AKAIN1: variants seen among roughly 807,000 people sequenced by gnomAD.
AKAIN1 encodes the protein A-kinase anchor inhibitor 1.
A neutral mutation model predicts 3.7 loss-of-function variants in AKAIN1; 3 were observed. The observed-to-expected ratio is 0.82, with a 90% CI of 0.37 to 2.12. AKAIN1 has a LOEUF of 2.12. AKAIN1 is among the 30% of genes most tolerant of loss of function. AKAIN1 has a pLI of 0.06. For missense variants in AKAIN1, 82 were observed against 82.7 expected (o/e 0.99, Z 0.03); for synonymous variants, 31 against 30.8 (o/e 1.01, Z -0.02).
chr18:5,182,843 A>T (rs2143023589), intron 1 of AKAIN1, among the ~76,000 whole-genome samples: 1 of 152,204 alleles, frequency 6.6e-6, no homozygotes, highest in Non-Finnish European at 1.5e-5. Context: ...GGAGTACATG[A>T]AGAATCTAGG....
intron 1 of AKAIN1, among the ~76,000 whole-genome samples, chr18:5,154,346 T>C (rs2071095049): frequency 6.6e-6 from 1 of 152,168 alleles, no homozygotes; most frequent in South Asian, 2.1e-4. Context: ...TCTGAGCACG[T>C]AGATAACAAC....
intron 1 of AKAIN1, among the ~76,000 whole-genome samples, chr18:5,162,411 A>G (rs1598308063): frequency 6.6e-6 from 1 of 152,062 alleles, no homozygotes; most frequent in Non-Finnish European, 1.5e-5. Context: ...ACCAGGCAAC[A>G]TGTCAGGCAT....
chr18:5,190,303 A>G (rs915353082), intron 1 of AKAIN1, among the ~76,000 whole-genome samples: 4 of 152,242 alleles, frequency 2.6e-5, no homozygotes, highest in African/African-American at 9.6e-5. Context: ...AGGGGCTATT[A>G]CTATAGAACC....
In AKAIN1 at chr18:5,143,297, A is replaced by G. The variant is rs1458767185; in HGVS notation, c.*2265T>C. ...ACTGAGCTTTCTTAGAATTTTGCCA[A>G]TATGGCACCTACCTATTGAGGACAG... On this transcript the variant is annotated 3_prime_UTR_variant, in exon 2 of 2. Coordinates refer to ENST00000434239, the MANE Select transcript of AKAIN1 (RefSeq NM_001145194.2). Among the ~76,000 whole-genome samples, 1 of 152,222 alleles carries G rather than the reference A, an allele frequency of 6.6e-6. No homozygotes were observed. The highest frequency in any genetic ancestry group is 1.5e-5 in the Non-Finnish European group (1 of 68,038).
rs1269669169 is a variant in AKAIN1, at chr18:5,187,025, A to T, written c.16+10013T>A. On this transcript the variant is annotated intron_variant, in intron 1 of 1. Transcript: ENST00000434239. ...GAAAATACAACATCAAAATTTTTAG[A>T]ATACTCTAAAGCAATGCTTAGCTGG... Among the ~76,000 whole-genome samples, 4 of 152,312 alleles carry T rather than the reference A, an allele frequency of 2.6e-5. No individual in the cohort carries two copies. In the East Asian group the frequency reaches 7.7e-4, roughly 29 times the overall value.
chr18:5,149,890 G>A (rs750169831), intron 1 of AKAIN1, among the ~76,000 whole-genome samples: 4 of 152,088 alleles, frequency 2.6e-5, no homozygotes, highest in African/African-American at 4.8e-5. Flanking sequence ...ATGTTGACCA[G>A]CTTGGTCTCA....
At chr18:5,165,267 A>G (rs890896462) in intron 1 of AKAIN1, among the ~76,000 whole-genome samples, 24 of 151,974 alleles carry the variant, frequency 1.6e-4, no homozygotes, top group South Asian at 8.3e-4. Context: ...AGCTAATAAA[A>G]GCAGATAAAA....
At chr18:5,169,854 T>C (rs1305732489) in intron 1 of AKAIN1, among the ~76,000 whole-genome samples, 1 of 152,164 alleles carries the variant, frequency 6.6e-6, no homozygotes, top group Non-Finnish European at 1.5e-5. Flanking sequence ...TTTATCTCAT[T>C]AAAACCTGCT....
At position 5,143,746 on chromosome 18, in the gene AKAIN1, C is replaced by A. The variant is rs1289914459; in HGVS notation, c.*1816G>T. 2.6e-5 allele frequency among the ~76,000 whole-genome samples: 4 copies of A among 152,074 alleles called. No individual in the cohort carries two copies. The highest frequency in any genetic ancestry group is 5.9e-5 in the Non-Finnish European group (4 of 68,004). On this transcript the variant is annotated 3_prime_UTR_variant, in exon 2 of 2. Coordinates refer to ENST00000434239, the MANE Select transcript of AKAIN1 (RefSeq NM_001145194.2). ...AGACACAGAGGTCAATAAGATGTTC[C>A]AAAAATTCCCAATTTTTTAGTACAG...
chr18:5,176,415 G>A (rs181953527), intron 1 of AKAIN1, among the ~76,000 whole-genome samples: 16 of 152,076 alleles, frequency 1.1e-4, no homozygotes, highest in Admixed American at 7.2e-4. Flanking sequence ...ACTCCAGTCT[G>A]GGTGACAGAG....
intron 1 of AKAIN1, among the ~76,000 whole-genome samples, chr18:5,162,193 C>T (rs1270988941): frequency 1.3e-5 from 2 of 152,104 alleles, no homozygotes; most frequent in Non-Finnish European, 2.9e-5. Flanking sequence ...CTAGACTCTT[C>T]TCTTAGAAAG....
intron 1 of AKAIN1, among the ~76,000 whole-genome samples, chr18:5,187,649 T>C (rs2071295097): frequency 1.3e-5 from 2 of 152,150 alleles, no homozygotes; most frequent in Non-Finnish European, 1.5e-5. Flanking sequence ...AATTACCTGT[T>C]AAAGGTCCCC....
chr18:5,197,385 A>G (rs1188588345), upstream of AKAIN1: 1 of 1,262,432 alleles, frequency 7.9e-7, no homozygotes, highest in Non-Finnish European at 1.0e-6. This position sits in a 1 kb window ranked among gnomAD's most constrained non-coding sequence, Gnocchi z 6.9. Context: ...CACGCGACGA[A>G]GGTCGGAAGA....
chr18:5,146,166 A>C (rs2071048240), intron 1 of AKAIN1, among the ~76,000 whole-genome samples: 1 of 152,142 alleles, frequency 6.6e-6, no homozygotes, highest in South Asian at 2.1e-4. Context: ...TGGTTGTTTG[A>C]ATCCTAGGAT....
At chr18:5,173,762 C>T (rs2071210387) in intron 1 of AKAIN1, among the ~76,000 whole-genome samples, 1 of 152,152 alleles carries the variant, frequency 6.6e-6, no homozygotes, top group Non-Finnish European at 1.5e-5. Context: ...TCTAAACACT[C>T]TGTTGCACTG....
intron 1 of AKAIN1, 79 bp downstream of exon 1, chr18:5,196,959 G>C: frequency 8.0e-7 from 1 of 1,250,806 alleles, no homozygotes; most frequent in Non-Finnish European, 1.1e-6. Flanking sequence ...AAGGTAAAGA[G>C]GCCTTTTTTC....
chr18:5,167,421 A>G (rs1008108432), intron 1 of AKAIN1, among the ~76,000 whole-genome samples: 1 of 152,232 alleles, frequency 6.6e-6, no homozygotes, highest in African/African-American at 2.4e-5. Flanking sequence ...CCTGCGTCAC[A>G]TGGGCAAAAG....
chr18:5,153,938 T>C (rs762145472), intron 1 of AKAIN1, among the ~76,000 whole-genome samples: 29 of 152,158 alleles, frequency 1.9e-4, no homozygotes, highest in Non-Finnish European at 1.8e-4. Context: ...TACCTTCTGC[T>C]TAGTTTTGCT....
intron 1 of AKAIN1, among the ~76,000 whole-genome samples, chr18:5,148,994 T>A (rs185074674): frequency 6.6e-6 from 1 of 152,208 alleles, no homozygotes; most frequent in South Asian, 2.1e-4. Context: ...GAATACAGTA[T>A]ATACTTGCAG....
Sources: gnomAD v4.1 joint callset for allele counts (sites outside exome capture counted in the v4.1 genomes callset) on GRCh38, gnomAD v4.1.1 for gene constraint, Gnocchi (gnomAD v3.1) non-coding constraint, MANE v1.5 for transcripts, NCBI Gene and HGNC (gene_info 2026-07-23, HGNC 2026-07-21) for gene names.